PCDH15: variants seen among roughly 807,000 people sequenced by gnomAD.
The protein encoded by PCDH15 is protocadherin-15.
Under a neutral mutation model 178.5 loss-of-function variants are expected in PCDH15, and 129 were observed. The observed-to-expected ratio is 0.72, with a 90% CI of 0.63 to 0.84. PCDH15 has a LOEUF of 0.84. Ranked by LOEUF, PCDH15 falls within the 40% of genes least tolerant of loss-of-function variation. The pLI is 0.00. For synonymous variants in PCDH15, 800 were observed against 732.0 expected, an observed-to-expected ratio of 1.09 and a Z score of -1.50; for missense variants, 2,230 against 2,099.9, an observed-to-expected ratio of 1.06 and a Z score of -1.21.
chr10:55,194,502 A>G lies in PCDH15; in HGVS notation c.-155-27851T>C, dbSNP rs147433474. Among the ~76,000 whole-genome samples the G allele has an allele frequency of 2.7e-3, 407 of 152,236 alleles. 6 individuals are homozygous for G. Among genetic ancestry groups the G allele is most frequent in the African/African-American group, 9.0e-3 (372 of 41,510 alleles). ...TTAAATTGCAAAGCCCAATGGTGAT[A>G]GAGTCATGAAATATGAACCCAGTTT... is the stretch of plus-strand genomic sequence containing the variant. On this transcript the variant is annotated intron_variant, in intron 1 of 5. Transcript: ENST00000458638.
chr10:54,151,085 T>G (rs181637121), intron 14 of PCDH15, among the ~76,000 whole-genome samples: 1 of 152,240 alleles, frequency 6.6e-6, no homozygotes, highest in East Asian at 1.9e-4. Flanking sequence ...CATTACTATT[T>G]TAAAAAGTCA....
At chr10:55,447,137 T>C (rs111240695) in intron 2 of PCDH15, among the ~76,000 whole-genome samples, 1 of 152,100 alleles carries the variant, frequency 6.6e-6, no homozygotes, top group Non-Finnish European at 1.5e-5. Flanking sequence ...GTAACAATTA[T>C]GATATTAAAC....
intron 18 of PCDH15, among the ~76,000 whole-genome samples, chr10:54,050,461 T>A (rs75948009): frequency 0.016 from 2,493 of 152,230 alleles, 74 homozygotes; most frequent in African/African-American, 0.055. Flanking sequence ...TTTTTATTTG[T>A]TAATCTAGCT....
chr10:54,923,492 T>A (rs561569247), intron 2 of PCDH15, among the ~76,000 whole-genome samples: 2 of 138,696 alleles, frequency 1.4e-5, no homozygotes, highest in South Asian at 4.5e-4. Context: ...ACTTTTATGA[T>A]CTTTTTCCCT....
chr10:55,502,299 T>A (rs1481969914), intron 2 of PCDH15, among the ~76,000 whole-genome samples: 1 of 151,662 alleles, frequency 6.6e-6, no homozygotes, highest in Non-Finnish European at 1.5e-5. Flanking sequence ...CATTGACACA[T>A]GCTGTTCCAT....
At chr10:54,681,221 G>A (rs1440631428) in intron 1 of PCDH15, among the ~76,000 whole-genome samples, 1 of 152,156 alleles carries the variant, frequency 6.6e-6, no homozygotes, top group Admixed American at 6.5e-5. Flanking sequence ...GAAATCAAGA[G>A]TTTGGCTTTG....
intron 2 of PCDH15, among the ~76,000 whole-genome samples, chr10:55,492,566 A>G (rs1840441786): frequency 6.6e-6 from 1 of 151,834 alleles, no homozygotes. Flanking sequence ...CAAGCAGGTA[A>G]CAGTAACCCT....
chr10:54,235,514 C>A (rs762398079), intron 9 of PCDH15, among the ~76,000 whole-genome samples: 3 of 152,128 alleles, frequency 2.0e-5, no homozygotes, highest in Non-Finnish European at 4.4e-5. Context: ...ATAATTGTCT[C>A]TCTTTTTCCA....
chr10:54,156,892 G>A (rs947776563), intron 13 of PCDH15, among the ~76,000 whole-genome samples: 7 of 152,178 alleles, frequency 4.6e-5, no homozygotes, highest in Admixed American at 6.5e-5. Context: ...AAGCAAGTCC[G>A]AAATCCAGTG....
At chr10:54,515,739 C>G (rs959324102) in intron 3 of PCDH15, among the ~76,000 whole-genome samples, 2 of 152,222 alleles carry the variant, frequency 1.3e-5, no homozygotes, top group African/African-American at 2.4e-5. Flanking sequence ...CCAGTAGGGG[C>G]AGACTGACAC....
chr10:54,295,873 G>C (rs377375583), intron 8 of PCDH15, among the ~76,000 whole-genome samples: 1 of 151,990 alleles, frequency 6.6e-6, no homozygotes, highest in Admixed American at 6.6e-5. Flanking sequence ...GGCCGGGCGC[G>C]GTGGCTCACG....
intron 29 of PCDH15, among the ~76,000 whole-genome samples, chr10:53,835,696 T>C (rs1004392182): frequency 1.3e-5 from 2 of 152,108 alleles, no homozygotes; most frequent in Non-Finnish European, 2.9e-5. Flanking sequence ...GTGGGATGAT[T>C]ACTTGAGCTC....
intron 1 of PCDH15, among the ~76,000 whole-genome samples, chr10:54,774,118 T>C (rs1336862488): frequency 7.1e-6 from 1 of 140,294 alleles, no homozygotes; most frequent in African/African-American, 2.6e-5. Flanking sequence ...AAGCTCCGCC[T>C]CCTGGGTTCA....
intron 3 of PCDH15, among the ~76,000 whole-genome samples, chr10:54,859,263 C>T (rs1193393101): frequency 6.6e-6 from 1 of 151,944 alleles, no homozygotes; most frequent in Non-Finnish European, 1.5e-5. Context: ...TTCATAAATC[C>T]CAAATCTAAC....
chr10:54,444,179 A>G (rs1284602707), intron 3 of PCDH15, among the ~76,000 whole-genome samples: 1 of 151,750 alleles, frequency 6.6e-6, no homozygotes, highest in Non-Finnish European at 1.5e-5. Flanking sequence ...GTATCTGAAA[A>G]AAATCTTGCT....
At chr10:54,982,102 T>C (rs910863670) in intron 2 of PCDH15, among the ~76,000 whole-genome samples, 5 of 152,056 alleles carry the variant, frequency 3.3e-5, no homozygotes, top group Admixed American at 3.3e-4. Flanking sequence ...GATGATCTTA[T>C]CCTTACTTCA....
chr10:55,194,262 A>G (rs184214973), intron 1 of PCDH15, among the ~76,000 whole-genome samples: 2 of 152,056 alleles, frequency 1.3e-5, no homozygotes, highest in Non-Finnish European at 2.9e-5. Flanking sequence ...TGTAAATAAC[A>G]GCCCTTTTCT....
chr10:54,877,008 G>A (rs1954157381), intron 3 of PCDH15, among the ~76,000 whole-genome samples: 1 of 152,082 alleles, frequency 6.6e-6, no homozygotes, highest in African/African-American at 2.4e-5. Context: ...ATTTTCCCTT[G>A]AATATATGAA....
chr10:55,211,835 A>T (rs1591992690), intron 1 of PCDH15, among the ~76,000 whole-genome samples: 1 of 152,256 alleles, frequency 6.6e-6, no homozygotes, highest in South Asian at 2.1e-4. Flanking sequence ...GACTTAAGTT[A>T]TTTATAGAAA....
Sources: allele counts gnomAD v4.1 joint callset (sites outside exome capture counted in the v4.1 genomes callset), GRCh38; gene constraint gnomAD v4.1.1; transcripts MANE v1.5; gene names NCBI Gene and HGNC (gene_info 2026-07-23, HGNC 2026-07-21).